The following OGDH variants were observed in gnomAD, a reference collection of about 807,000 sequenced individuals.
OGDH encodes the protein oxoglutarate dehydrogenase.
A neutral mutation model predicts 116.6 loss-of-function variants in OGDH; 38 were observed. The observed-to-expected ratio is 0.33, with a 90% CI of 0.25 to 0.43. The LOEUF (loss-of-function observed/expected upper bound fraction) is 0.43, where lower values mean the gene tolerates loss of function less well. OGDH is among the 20% of genes least tolerant of loss of function. The pLI, the probability that OGDH is intolerant of heterozygous loss-of-function variation, is 1.00. For missense variants in OGDH, 825 were observed against 1,357.2 expected, an observed-to-expected ratio of 0.61 and a Z score of 6.16; for synonymous variants, 488 against 533.3, an observed-to-expected ratio of 0.92 and a Z score of 1.17.
At chr7:44,627,238 G>A (rs1785243021) in intron 2 of OGDH, among the ~76,000 whole-genome samples, 1 of 152,166 alleles carries the variant, frequency 6.6e-6, no homozygotes, top group African/African-American at 2.4e-5. Flanking sequence ...CTCGTGATCC[G>A]CCTGCCTTGG....
At chr7:44,705,121 C>T (rs189512101) in intron 20 of OGDH, among the ~76,000 whole-genome samples, 4,400 of 129,412 alleles carry the variant, frequency 0.034, 108 homozygotes, top group Admixed American at 0.071. Context: ...GGCGGGATCT[C>T]GGCTCACTGC....
intron 2 of OGDH, among the ~76,000 whole-genome samples, chr7:44,630,055 T>C (rs191136471): frequency 6.6e-6 from 1 of 152,322 alleles, no homozygotes; most frequent in Admixed American, 6.5e-5. Context: ...CCGTTCTGCT[T>C]CCTCCTTTCG....
intron 5 of OGDH, among the ~76,000 whole-genome samples, chr7:44,668,390 C>T (rs1017246096): frequency 6.6e-6 from 1 of 152,032 alleles, no homozygotes; most frequent in African/African-American, 2.4e-5. Flanking sequence ...GAGCGAAGAT[C>T]GCGCCACTGC....
At chr7:44,610,842 C>T (rs569168893) in intron 1 of OGDH, among the ~76,000 whole-genome samples, 4 of 149,732 alleles carry the variant, frequency 2.7e-5, no homozygotes, top group South Asian at 4.2e-4. Context: ...CTCCTGACCT[C>T]GTGATCGACA....
At position 44,707,268 on chromosome 7, in the gene OGDH, T is replaced by C; in HGVS notation, c.2676T>C (p.Ala892=). The C allele has an allele frequency of 1.9e-6, 3 of 1,614,224 alleles. No individual in the cohort carries two copies. Among genetic ancestry groups the C allele is most frequent in the Non-Finnish European group, 2.5e-6 (3 of 1,180,040 alleles). The change falls in exon 21 of 23, where the codon GCT becomes GCC. Residue 892 remains alanine (A), a synonymous_variant. Transcript: ENST00000222673. The surrounding 1 kb of genome is among the most constrained non-coding windows in gnomAD (Gnocchi z 5.2). ...TGATCCCAGAAGATGGCCCTGCAGC[T>C]CAGAACCCAGAAAATGTCAAAAGGC... ...QRVIPEDGPA[A]QNPENVKRLL... is the part of the protein sequence containing the mutation.
rs1313367517 is a variant in OGDH at position 44,701,594 on chromosome 7, A to C, written c.2611A>C (p.Ser871Arg). Residue 871 changes from serine (S) to arginine (R), a missense_variant, in exon 20 of 23, where the codon AGC becomes CGC. Physicochemically the swap from Ser to Arg is moderately radical, Grantham distance 110 (BLOSUM62 -1). This residue lies in a region of OGDH where 212 missense variants were observed against 284.3 expected (regional missense o/e 0.75). Transcript: ENST00000222673. The stretch of plus-strand genomic sequence containing the variant: ...GTTGCGCCACCCCGAGGCCAGATCC[A>C]GCTTTGATGAGATGCTTCCAGGTGG... ...SLLRHPEARS[S>R]FDEMLPGTHF... 1.2e-6 allele frequency: 2 copies of C among 1,614,170 alleles called. No individual in the cohort carries two copies. Among genetic ancestry groups the C allele is most frequent in the Non-Finnish European group, 1.7e-6 (2 of 1,180,014 alleles).
chr7:44,657,678 T>C (rs1049427568), intron 4 of OGDH, among the ~76,000 whole-genome samples: 1 of 152,252 alleles, frequency 6.6e-6, no homozygotes, highest in Non-Finnish European at 1.5e-5. Flanking sequence ...ATTGTGCTTT[T>C]GGTATGAAGT....
chr7:44,683,065 C>T (rs1787994956), intron 10 of OGDH, among the ~76,000 whole-genome samples: 1 of 151,954 alleles, frequency 6.6e-6, no homozygotes, highest in East Asian at 1.9e-4. Context: ...AGGAGAATGG[C>T]GTGAACCCGG....
At chr7:44,618,234 C>T (rs1408889063) in intron 1 of OGDH, among the ~76,000 whole-genome samples, 4 of 152,066 alleles carry the variant, frequency 2.6e-5, no homozygotes, top group Admixed American at 6.6e-5. Flanking sequence ...AAAAAAATAA[C>T]TTTATTGAGA....
At chr7:44,628,938 T>G (rs1275306048) in intron 2 of OGDH, among the ~76,000 whole-genome samples, 1 of 152,148 alleles carries the variant, frequency 6.6e-6, no homozygotes, top group African/African-American at 2.4e-5. Flanking sequence ...TCCCTTTTGT[T>G]CCTACCTTTG....
rs116559087 is a variant in OGDH at position 44,626,426 on chromosome 7, A to T, written c.222+1861A>T. Among the ~76,000 whole-genome samples the T allele has an allele frequency of 3.7e-3, 570 of 152,176 alleles. 6 individuals are homozygous for T. Among genetic ancestry groups the T allele is most frequent in the African/African-American group, 0.012 (516 of 41,500 alleles). Reference sequence around the variant, plus strand: ...TGAGGTTTCAGAATCAAGGACTATTATGTGCCCAGGCCTATTCTTTTGCCT... The same window carrying T: ...TGAGGTTTCAGAATCAAGGACTATTTTGTGCCCAGGCCTATTCTTTTGCCT... On this transcript the variant is annotated intron_variant, in intron 2 of 22. Coordinates refer to ENST00000222673, the MANE Select transcript of OGDH (RefSeq NM_002541.4).
intron 6 of OGDH, among the ~76,000 whole-genome samples, chr7:44,674,182 T>A (rs1787589569): frequency 6.6e-6 from 1 of 152,176 alleles, no homozygotes; most frequent in South Asian, 2.1e-4. Context: ...GTAGCAGGGA[T>A]TACAGAGGCA....
At chr7:44,698,573 T>A (rs1195557110) in intron 18 of OGDH, among the ~76,000 whole-genome samples, 1 of 152,052 alleles carries the variant, frequency 6.6e-6, no homozygotes, top group Non-Finnish European at 1.5e-5. Flanking sequence ...AGACCCTGAT[T>A]CAGGTCTGGA....
At chr7:44,685,902 G>T (rs1362883745) in intron 10 of OGDH, among the ~76,000 whole-genome samples, 2 of 152,140 alleles carry the variant, frequency 1.3e-5, no homozygotes, top group East Asian at 3.8e-4. Flanking sequence ...GGGATTACAG[G>T]CATGAGCCAC....
At chr7:44,626,345 AC>A (rs1785208389) in intron 2 of OGDH, among the ~76,000 whole-genome samples, 1 of 151,474 alleles carries the variant, frequency 6.6e-6, no homozygotes, top group African/African-American at 2.4e-5. Context: ...CTACACACAC[AC>A]ACACACACAC....
At position 44,666,692 on chromosome 7, in the gene OGDH, C is replaced by G. The variant is rs748642166; in HGVS notation, c.518-44C>G. The G allele has an allele frequency of 6.0e-6, 7 of 1,165,158 alleles. No homozygotes were observed. In the African/African-American group the frequency reaches 1.1e-4, roughly 18 times the overall value. 72.2% of individuals were successfully genotyped at this position (1,165,158 alleles called of 1,614,324 possible). A position where few individuals can be genotyped will look rare whatever the true frequency, so the allele number is the denominator to read the frequency against. ...ACTGTGGTCCCTGCATGGCTGTGCC[C>G]CATCCCTCCTCATCTGGCTTGTCCT... On this transcript the variant is annotated intron_variant, in intron 4 of 22. Transcript: ENST00000222673.
intron 20 of OGDH, among the ~76,000 whole-genome samples, chr7:44,703,312 G>A (rs1484183468): frequency 6.6e-6 from 1 of 152,106 alleles, no homozygotes; most frequent in Non-Finnish European, 1.5e-5. Context: ...GGAGGCTAAG[G>A]CAGGAGAATT....
chr7:44,643,357 C>A, intron 2 of OGDH, among the ~76,000 whole-genome samples: 1 of 151,084 alleles, frequency 6.6e-6, no homozygotes, highest in African/African-American at 2.4e-5. Context: ...TTCTGAATAC[C>A]AAAAAATACA....
chr7:44,647,480 G>C, intron 3 of OGDH, 177 bp from the exon 4 acceptor site: 4 of 1,538,854 alleles, frequency 2.6e-6, no homozygotes, highest in Non-Finnish European at 2.6e-6. Flanking sequence ...TGATCCTCTC[G>C]GAATTAGTTG....
Sources: gnomAD v4.1 joint callset for allele counts (sites outside exome capture counted in the v4.1 genomes callset) on GRCh38, gnomAD v4.1.1 for gene constraint, gnomAD v4.1.1 regional missense constraint, Gnocchi (gnomAD v3.1) non-coding constraint, MANE v1.5 for transcripts, NCBI Gene and HGNC (gene_info 2026-07-23, HGNC 2026-07-21) for gene names.